ZNF385D: variants seen among roughly 807,000 people sequenced by gnomAD.
ZNF385D encodes zinc finger protein 385D.
Under a neutral mutation model 35.8 loss-of-function variants are expected in ZNF385D, and 15 were observed. The ratio of observed to expected loss-of-function variants is 0.42; its 90% CI spans 0.28 to 0.64. The LOEUF (loss-of-function observed/expected upper bound fraction) is 0.64, where lower values mean the gene tolerates loss of function less well. ZNF385D is among the 30% of genes least tolerant of loss of function. ZNF385D has a pLI of 0.23. For synonymous variants in ZNF385D, 212 were observed against 186.8 expected, an observed-to-expected ratio of 1.13 and a Z score of -1.10; for missense variants, 474 against 494.6, an observed-to-expected ratio of 0.96 and a Z score of 0.39.
intron 3 of ZNF385D, among the ~76,000 whole-genome samples, chr3:21,973,985 G>C (rs1417000605): frequency 1.3e-5 from 2 of 151,898 alleles, no homozygotes; most frequent in East Asian, 3.9e-4. Context: ...TTTTAAAAAT[G>C]TATATATTGC....
chr3:21,822,598 C>T (rs1389186733), intron 3 of ZNF385D, among the ~76,000 whole-genome samples: 9 of 144,744 alleles, frequency 6.2e-5, no homozygotes, highest in Admixed American at 6.2e-4. Context: ...ATAGAAACTT[C>T]TGGAATGGAA....
At position 21,896,620 on chromosome 3, in the gene ZNF385D, T is replaced by C. The variant is rs1171277923; in HGVS notation, c.326-231592A>G. Among the ~76,000 whole-genome samples the C allele has an allele frequency of 2.0e-5, 3 of 152,128 alleles. No individual in the cohort carries two copies. In the East Asian group the frequency reaches 5.8e-4, roughly 29 times the overall value. ...AGCTTCCTATTTAGGAGGTACTTGATTGTGGTACAAATTGTGTGATTTTAG... is the reference window on the plus strand; with the variant it reads ...AGCTTCCTATTTAGGAGGTACTTGACTGTGGTACAAATTGTGTGATTTTAG... On this transcript the variant is annotated intron_variant, in intron 3 of 5. Coordinates refer to the ZNF385D transcript ENST00000494108.
intron 3 of ZNF385D, among the ~76,000 whole-genome samples, chr3:22,086,333 C>T (rs1348384353): frequency 1.3e-5 from 2 of 152,186 alleles, no homozygotes; most frequent in Non-Finnish European, 2.9e-5. Context: ...TCTCCTTAAG[C>T]TGATAAGCAA....
At chr3:22,176,889 C>G (rs2125771685) in intron 2 of ZNF385D, among the ~76,000 whole-genome samples, 1 of 152,256 alleles carries the variant, frequency 6.6e-6, no homozygotes, top group Admixed American at 6.5e-5. Context: ...GTAGAATCTA[C>G]TACTATATAA....
At chr3:22,276,406 G>A (rs1701429730) in intron 2 of ZNF385D, among the ~76,000 whole-genome samples, 1 of 151,972 alleles carries the variant, frequency 6.6e-6, no homozygotes, top group African/African-American at 2.4e-5. Context: ...CTCATGAAGT[G>A]GTATAAGAGT....
At chr3:21,758,186 G>C (rs375695924) in intron 3 of ZNF385D, among the ~76,000 whole-genome samples, 3 of 152,172 alleles carry the variant, frequency 2.0e-5, no homozygotes, top group Non-Finnish European at 2.9e-5. Context: ...TGGCATTTCC[G>C]TGATCTGTTA....
intron 2 of ZNF385D, among the ~76,000 whole-genome samples, chr3:22,316,990 A>G (rs1033117810): frequency 1.3e-5 from 2 of 152,040 alleles, no homozygotes; most frequent in African/African-American, 2.4e-5. Context: ...AAGAAATGCA[A>G]TTGTCGGTGG....
At chr3:21,814,242 A>T (rs2073054042) in intron 3 of ZNF385D, among the ~76,000 whole-genome samples, 1 of 152,210 alleles carries the variant, frequency 6.6e-6, no homozygotes, top group African/African-American at 2.4e-5. Context: ...CCACTGCAAA[A>T]ATATGCCAAA....
intron 3 of ZNF385D, among the ~76,000 whole-genome samples, chr3:21,868,496 ATCT>A (rs1697504184): frequency 6.6e-6 from 1 of 152,144 alleles, no homozygotes; most frequent in Non-Finnish European, 1.5e-5. Context: ...CAAAGCAGGC[ATCT>A]TCTTCACATG....
chr3:21,513,409 A>C (rs1707352373), intron 3 of ZNF385D, among the ~76,000 whole-genome samples: 1 of 152,174 alleles, frequency 6.6e-6, no homozygotes, highest in South Asian at 2.1e-4. Flanking sequence ...CAAAATGCAA[A>C]ATAAGACAAA....
intron 2 of ZNF385D, among the ~76,000 whole-genome samples, chr3:21,567,698 C>T (rs1481724384): frequency 6.6e-6 from 1 of 152,128 alleles, no homozygotes; most frequent in Non-Finnish European, 1.5e-5. Context: ...GCCTATAACC[C>T]ATTAAGGAAT....
chr3:22,236,051 T>C (rs1699165049), intron 2 of ZNF385D, among the ~76,000 whole-genome samples: 1 of 151,848 alleles, frequency 6.6e-6, no homozygotes. Context: ...CAGCAAGGAA[T>C]TTGGGGAAAA....
At chr3:22,166,468 G>C in intron 3 of ZNF385D, among the ~76,000 whole-genome samples, 1 of 152,120 alleles carries the variant, frequency 6.6e-6, no homozygotes, top group South Asian at 2.1e-4. Flanking sequence ...GTAAGACCAG[G>C]GTTTCATTGC....
chr3:21,544,076 A>T (rs1275432202), intron 3 of ZNF385D, among the ~76,000 whole-genome samples: 1 of 152,210 alleles, frequency 6.6e-6, no homozygotes, highest in African/African-American at 2.4e-5. Context: ...CTTGGATCTA[A>T]TATTTTTTAA....
intron 1 of ZNF385D, among the ~76,000 whole-genome samples, chr3:21,676,937 G>T (rs1336858895): frequency 1.3e-5 from 2 of 151,944 alleles, no homozygotes; most frequent in Non-Finnish European, 2.9e-5. Context: ...TGGCCAGAAG[G>T]CAGCAGATAT....
chr3:21,943,407 T>C (rs1701630256), intron 3 of ZNF385D, among the ~76,000 whole-genome samples: 1 of 151,700 alleles, frequency 6.6e-6, no homozygotes, highest in Non-Finnish European at 1.5e-5. Flanking sequence ...TATGTTCCAA[T>C]TTATCAAATA....
At chr3:22,258,939 T>G (rs74685889) in intron 2 of ZNF385D, among the ~76,000 whole-genome samples, 1,590 of 151,938 alleles carry the variant, frequency 0.01, 35 homozygotes, top group African/African-American at 0.035. Flanking sequence ...CCTGAGGGCA[T>G]GTATTGGACC....
rs79160597 is a variant in ZNF385D at position 21,975,765 on chromosome 3, T to C, written c.325+193052A>G. ...TATATATATATATATACACACACTA[T>C]GGTATCCACAAAAATATATATCTAC... On this transcript the variant is annotated intron_variant, in intron 3 of 5. Transcript: ENST00000494108. Among the ~76,000 whole-genome samples, 901 of 131,260 alleles carry C rather than the reference T, an allele frequency of 6.9e-3. 18 individuals carry two copies. The highest frequency in any genetic ancestry group is 0.022 in the African/African-American group (841 of 37,526). The allele number at this position is 131,260 out of a possible 152,430, so 86.1% of individuals were successfully genotyped here. A position where few individuals can be genotyped will look rare whatever the true frequency, so the allele number is the denominator to read the frequency against.
At chr3:22,122,640 T>C (rs1423228025) in intron 3 of ZNF385D, among the ~76,000 whole-genome samples, 2 of 152,114 alleles carry the variant, frequency 1.3e-5, no homozygotes, top group South Asian at 2.1e-4. Flanking sequence ...ATAGGGTTTC[T>C]TGAATAATAA....
Sources: allele counts gnomAD v4.1 joint callset (sites outside exome capture counted in the v4.1 genomes callset), GRCh38; gene constraint gnomAD v4.1.1; transcripts MANE v1.5; gene names NCBI Gene and HGNC (gene_info 2026-07-23, HGNC 2026-07-21).